Variants in ROCK1 observed in about 807,000 individuals in gnomAD.
ROCK1 encodes the protein Rho associated coiled-coil containing protein kinase 1, also known as rho-associated protein kinase 1.
In ROCK1, 36 loss-of-function variants were observed where a neutral mutation model predicts 196.8. The ratio of observed to expected loss-of-function variants is 0.18; its 90% CI spans 0.14 to 0.24. The LOEUF is 0.24. Among genes scored for constraint, ROCK1 ranks in the 10% least tolerant of loss-of-function variants. ROCK1 has a pLI of 1.00. For synonymous variants in ROCK1, 443 were observed against 515.9 expected (o/e 0.86, Z 1.91); for missense variants, 920 against 1,562.0 (o/e 0.59, Z 6.93).
intron 1 of ROCK1, among the ~76,000 whole-genome samples, chr18:21,095,171 G>A (rs2036603074): frequency 6.6e-6 from 1 of 151,114 alleles, no homozygotes; most frequent in South Asian, 2.1e-4. Context: ...TTTCACCCCA[G>A]TTAAAGTAGC....
At chr18:20,979,835 C>T (rs1356281763) in intron 22 of ROCK1, 75 bp downstream of exon 22, 11 of 1,443,692 alleles carry the variant, frequency 7.6e-6, no homozygotes, top group Non-Finnish European at 7.4e-6. Context: ...AATAATGGCA[C>T]ATCTATTCAC....
intron 1 of ROCK1, among the ~76,000 whole-genome samples, chr18:21,106,913 G>A (rs2036707814): frequency 6.6e-6 from 1 of 152,166 alleles, no homozygotes; most frequent in Non-Finnish European, 1.5e-5. Flanking sequence ...CTAAACTACT[G>A]CAGGTTGAGT....
rs372897986 is a variant in ROCK1, at chr18:21,039,482, C to G, written c.1041G>C (p.Thr347=). Residue 347 remains threonine, a synonymous_variant, in exon 9 of 33, where the codon ACG becomes ACC. Transcript: ENST00000399799. ...AAAAAAAAAACTTACTGTCTCGGAG[C>G]GTTTCCCAAGCCCACTGGTCATTTT... ...FFKNDQWAWE[T]LRDTVAPVVP... 6.2e-7 allele frequency: 1 copy of G among 1,612,060 alleles called. No homozygotes were observed. The highest frequency in any genetic ancestry group is 8.5e-7 in the Non-Finnish European group (1 of 1,178,722).
At chr18:20,955,852 A>G (rs1381379286) in intron 29 of ROCK1, among the ~76,000 whole-genome samples, 1 of 150,416 alleles carries the variant, frequency 6.6e-6, no homozygotes, top group African/African-American at 2.5e-5. Flanking sequence ...ATTACACATT[A>G]TTTGATTCCA....
At chr18:20,959,442 C>A (rs1297509465) in intron 29 of ROCK1, among the ~76,000 whole-genome samples, 1 of 151,024 alleles carries the variant, frequency 6.6e-6, no homozygotes, top group African/African-American at 2.4e-5. Context: ...GAATTCCTGA[C>A]CTCAGGTGAT....
At chr18:20,980,052 A>C (rs1341358589) in intron 21 of ROCK1, 48 bp from the exon 22 acceptor site, 2 of 1,459,702 alleles carry the variant, frequency 1.4e-6, no homozygotes, top group Non-Finnish European at 1.8e-6. Flanking sequence ...GTGGGTTAAA[A>C]ACAATTTGGC....
At chr18:21,018,974 TC>T (rs2035889139) in intron 12 of ROCK1, among the ~76,000 whole-genome samples, 1 of 152,226 alleles carries the variant, frequency 6.6e-6, no homozygotes, top group African/African-American at 2.4e-5. Context: ...AGATATTTTT[TC>T]TGTGAGTCTA....
chr18:21,059,958 A>G (rs1187342194), intron 2 of ROCK1, among the ~76,000 whole-genome samples: 2 of 152,268 alleles, frequency 1.3e-5, no homozygotes, highest in Non-Finnish European at 2.9e-5. Context: ...GATTCCTTCT[A>G]TAGGAAATGT....
intron 1 of ROCK1, among the ~76,000 whole-genome samples, chr18:21,097,068 A>G (rs1323826253): frequency 6.6e-6 from 1 of 152,182 alleles, no homozygotes; most frequent in Admixed American, 6.5e-5. Context: ...TACGACAGCA[A>G]AAGTAGGAAA....
At chr18:21,060,858 A>AC (rs1174228065) in intron 2 of ROCK1, among the ~76,000 whole-genome samples, 1 of 151,662 alleles carries the variant, frequency 6.6e-6, no homozygotes, top group African/African-American at 2.4e-5. Flanking sequence ...AAAAAAAAAA[A>AC]AAACCTAAAT....
At chr18:21,041,966 A>G (rs765596231) in intron 8 of ROCK1, 131 bp downstream of exon 8, 17 of 807,316 alleles carry the variant, frequency 2.1e-5, no homozygotes, top group African/African-American at 3.6e-5. Context: ...ATATCATAAA[A>G]TTACATCAGG....
chr18:20,955,080 A>G, intron 30 of ROCK1, 36 bp from the exon 31 acceptor site: 23 of 1,534,094 alleles, frequency 1.5e-5, no homozygotes, highest in Non-Finnish European at 2.0e-5. Flanking sequence ...AAGATTTTAA[A>G]AATCTTAAGC....
chr18:21,075,249 G>C (rs901987220), intron 1 of ROCK1, among the ~76,000 whole-genome samples: 1 of 152,084 alleles, frequency 6.6e-6, no homozygotes, highest in Non-Finnish European at 1.5e-5. Flanking sequence ...AAGCATAAAA[G>C]GATAAAAGAC....
At chr18:21,049,972 G>T in intron 2 of ROCK1, 92 bp from the exon 3 acceptor site, 1 of 571,494 alleles carries the variant, frequency 1.7e-6, no homozygotes, top group Non-Finnish European at 2.9e-6. Flanking sequence ...GAAACACAAT[G>T]AAAAACAACA....
intron 22 of ROCK1, among the ~76,000 whole-genome samples, chr18:20,971,337 CACACACAT>C (rs889591702): frequency 1.1e-3 from 103 of 92,750 alleles, no homozygotes; most frequent in African/African-American, 3.1e-3. Flanking sequence ...CACACACACA[CACACACAT>C]ACACACAGAA....
intron 10 of ROCK1, 34 bp downstream of exon 10, chr18:21,028,742 A>C: frequency 6.5e-7 from 1 of 1,538,366 alleles, no homozygotes; most frequent in Non-Finnish European, 8.8e-7. Flanking sequence ...CAAAATCAGC[A>C]CTTACTCCTA....
At chr18:21,041,903 T>C (rs977214061) in intron 8 of ROCK1, among the ~76,000 whole-genome samples, 194 bp downstream of exon 8, 1 of 152,194 alleles carries the variant, frequency 6.6e-6, no homozygotes, top group African/African-American at 2.4e-5. Flanking sequence ...TGTATTATTA[T>C]CACAATTTCT....
chr18:20,974,002 C>T (rs1246246636), intron 22 of ROCK1, among the ~76,000 whole-genome samples: 1 of 151,894 alleles, frequency 6.6e-6, no homozygotes, highest in African/African-American at 2.4e-5. Flanking sequence ...GATCTCCTGA[C>T]CTCGTGATCC....
At chr18:21,038,038 A>C (rs1169022626) in intron 9 of ROCK1, among the ~76,000 whole-genome samples, 1 of 152,164 alleles carries the variant, frequency 6.6e-6, no homozygotes, top group Non-Finnish European at 1.5e-5. Context: ...AAGCAATACA[A>C]AATATTATTT....
Sources: allele counts gnomAD v4.1 joint callset (sites outside exome capture counted in the v4.1 genomes callset), GRCh38; gene constraint gnomAD v4.1.1; transcripts MANE v1.5; gene names NCBI Gene and HGNC (gene_info 2026-07-23, HGNC 2026-07-21).